The following FRMD8 variants were observed in gnomAD, a reference collection of about 807,000 sequenced individuals.
The protein encoded by FRMD8 is FERM domain containing 8, also known as FERM domain-containing protein 8.
In FRMD8, 37 loss-of-function variants were observed where a neutral mutation model predicts 54.2. The ratio of observed to expected loss-of-function variants is 0.68; its 90% CI spans 0.53 to 0.90. The LOEUF (loss-of-function observed/expected upper bound fraction) is 0.90, where lower values mean the gene tolerates loss of function less well. FRMD8 is among the 40% of genes least tolerant of loss of function. The probability of loss-of-function intolerance (pLI) is 0.00; values close to 1 mark genes in which losing one functional copy is unlikely to be tolerated. For missense variants in FRMD8, 585 were observed against 653.7 expected, an observed-to-expected ratio of 0.89 and a Z score of 1.15; for synonymous variants, 246 against 286.9, an observed-to-expected ratio of 0.86 and a Z score of 1.44.
chr11:65,381,717 G>A, upstream of FRMD8: 1 of 619,856 alleles, frequency 1.6e-6, no homozygotes, highest in South Asian at 1.7e-5. Flanking sequence ...ACCATGCCCA[G>A]CTAATTATTT....
rs1856150463 is a variant in FRMD8, at chr11:65,404,587, G to A, written c.1072-277G>A. On this transcript the variant is annotated intron_variant, in intron 9 of 10. Transcript: ENST00000317568. This position sits in a 1 kb window ranked among gnomAD's most constrained non-coding sequence, Gnocchi z 4.7. ...ACCCCCTCCCTCCCCACCTGCTTCT[G>A]CCCATGGAGTCAGCCTTCCTGGGCT... is the stretch of plus-strand genomic sequence containing the variant. 7.0e-6 allele frequency among the ~76,000 whole-genome samples: 1 copy of A among 143,534 alleles called. No homozygotes were observed. 94.2% of individuals were successfully genotyped at this position (143,534 alleles called of 152,430 possible).
chr11:65,390,024 G>C (rs1855813208), intron 3 of FRMD8, among the ~76,000 whole-genome samples: 1 of 152,170 alleles, frequency 6.6e-6, no homozygotes, highest in South Asian at 2.1e-4. Flanking sequence ...AACTGTTCCT[G>C]TTCCTTGGGG....
Position 65,394,374 on chromosome 11 carries a change from G to A in FRMD8, c.530G>A (p.Arg177His), listed in dbSNP as rs150610909. The A allele has an allele frequency of 9.5e-6, 15 of 1,575,702 alleles. No homozygotes were observed. Among genetic ancestry groups the A allele is most frequent in the African/African-American group, 6.8e-5 (5 of 74,046 alleles). ...DCEALGALVC[R>H]VQLGPYQPGR... Reference sequence around the variant, plus strand: ...GAGGCTCTGGGCGCCCTGGTGTGCCGCGTGCAGCTTGGGCCCTACCAGCCC... The same window carrying A: ...GAGGCTCTGGGCGCCCTGGTGTGCCACGTGCAGCTTGGGCCCTACCAGCCC... The change falls in exon 6 of 11, where the codon CGC becomes CAC. Residue 177 changes from arginine to histidine, a missense_variant. Transcript: ENST00000317568.
intron 2 of FRMD8, among the ~76,000 whole-genome samples, chr11:65,388,275 C>T (rs1855773606): frequency 6.6e-6 from 1 of 152,102 alleles, no homozygotes; most frequent in Non-Finnish European, 1.5e-5. Context: ...CAGGTGATTA[C>T]ATACTGCAGC....
At chr11:65,379,209 C>T in the FRMD8 span, 1 of 733,870 alleles carries the variant, frequency 1.4e-6, no homozygotes, top group Non-Finnish European at 2.2e-6. Context: ...TTCCCCACAG[C>T]CCTCCCCCAG....
chr11:65,384,773 C>T (rs546649497), upstream of FRMD8, among the ~76,000 whole-genome samples: 9 of 152,266 alleles, frequency 5.9e-5, no homozygotes, highest in East Asian at 1.9e-4. Flanking sequence ...GGCAGGATGG[C>T]GCTATCAGAG....
chr11:65,393,546 T>C (rs1397939579), intron 3 of FRMD8, 27 bp from the exon 4 acceptor site: 2 of 1,579,530 alleles, frequency 1.3e-6, no homozygotes, highest in African/African-American at 2.7e-5. Context: ...GGAGGCTGCA[T>C]GGGCCACTCC....
chr11:65,398,400 G>A (rs1014217130), intron 7 of FRMD8, among the ~76,000 whole-genome samples: 1 of 152,220 alleles, frequency 6.6e-6, no homozygotes, highest in Non-Finnish European at 1.5e-5. Context: ...ACTGGAGCTC[G>A]TATTTGGCGA....
intron 10 of FRMD8, among the ~76,000 whole-genome samples, chr11:65,407,134 C>T (rs928085540): frequency 6.6e-6 from 1 of 151,888 alleles, no homozygotes; most frequent in African/African-American, 2.4e-5. Flanking sequence ...GAAGTTGTGG[C>T]GGTATTCTGG....
intron 10 of FRMD8, among the ~76,000 whole-genome samples, chr11:65,410,658 C>T (rs548880341): frequency 4.6e-5 from 7 of 152,234 alleles, no homozygotes; most frequent in East Asian, 1.9e-4. Flanking sequence ...GGCGCCGTGG[C>T]GGGCGCCTGT....
intron 7 of FRMD8, among the ~76,000 whole-genome samples, chr11:65,398,275 C>G (rs958982563): frequency 6.6e-6 from 1 of 152,202 alleles, no homozygotes; most frequent in African/African-American, 2.4e-5. Context: ...TGGGATCATA[C>G]GCATGAGCCA....
chr11:65,386,611 G>A (rs1449039686), upstream of FRMD8: 4 of 174,656 alleles, frequency 2.3e-5, no homozygotes, highest in Non-Finnish European at 3.6e-5. Flanking sequence ...CTCGGGCGCC[G>A]CGCTTCCTCC....
At chr11:65,376,295 A>C in the FRMD8 span, 1 of 1,353,456 alleles carries the variant, frequency 7.4e-7, no homozygotes, top group Middle Eastern at 1.8e-4. Context: ...CACCTTGGTT[A>C]GGAAGGGCTG....
At chr11:65,399,341 C>G (rs558343526) in intron 7 of FRMD8, among the ~76,000 whole-genome samples, 4 of 152,148 alleles carry the variant, frequency 2.6e-5, no homozygotes, top group Non-Finnish European at 5.9e-5. Context: ...CTCACCTCCT[C>G]GTGCTTCCCA....
At chr11:65,380,078 G>T in the FRMD8 span, 1 of 1,593,912 alleles carries the variant, frequency 6.3e-7, no homozygotes, top group South Asian at 1.1e-5. Flanking sequence ...AGGGCACCCT[G>T]ACATTTGGGT....
chr11:65,376,201 C>T, the FRMD8 span: 2 of 628,618 alleles, frequency 3.2e-6, no homozygotes, highest in Non-Finnish European at 5.5e-6. Context: ...GAGTCAAGGC[C>T]AGCTACACAG....
Position 65,411,313 on chromosome 11 carries a change from G to A in FRMD8, c.1348G>A (p.Gly450Arg). The stretch of plus-strand genomic sequence containing the variant: ...CAGCCGGCAGCTGTCCTTGGGCCAG[G>A]GGAGCTACACCGTGGTGCAGCCCGG... The part of the protein sequence containing the change: ...FFSRQLSLGQ[G>R]SYTVVQPGDS... Residue 450 changes from glycine (G) to arginine (R), a missense_variant, in exon 11 of 11, where the codon GGG becomes AGG. Gly to Arg is a moderately radical substitution (Grantham distance 125). Coordinates refer to ENST00000317568, the MANE Select transcript of FRMD8 (RefSeq NM_031904.5). The A allele has an allele frequency of 6.2e-7, 1 of 1,608,866 alleles. No individual in the cohort carries two copies. The highest frequency in any genetic ancestry group is 8.5e-7 in the Non-Finnish European group (1 of 1,178,978).
chr11:65,389,330 C>T, intron 2 of FRMD8, 31 bp from the exon 3 acceptor site: 1 of 1,604,984 alleles, frequency 6.2e-7, no homozygotes. Context: ...AGGCAGAGGC[C>T]TCAGCTGAGC....
chr11:65,377,201 CACCCAGCCT>C, the FRMD8 span: 50 of 1,449,854 alleles, frequency 3.4e-5, no homozygotes, highest in African/African-American at 6.7e-4. Flanking sequence ...ACCCTGCCGG[CACCCAGCCT>C]CTCACGTGCA....
Sources: allele counts gnomAD v4.1 joint callset (sites outside exome capture counted in the v4.1 genomes callset), GRCh38; gene constraint gnomAD v4.1.1; non-coding constraint Gnocchi (gnomAD v3.1); transcripts MANE v1.5; gene names NCBI Gene and HGNC (gene_info 2026-07-23, HGNC 2026-07-21).